The following FYCO1 variants were observed in gnomAD, a reference collection of about 807,000 sequenced individuals.
FYCO1 encodes the protein FYVE and coiled-coil domain autophagy adaptor 1, also known as FYVE and coiled-coil domain-containing protein 1.
FYCO1 carries 122 observed loss-of-function variants against 165.1 expected under a neutral mutation model. The observed-to-expected ratio is 0.74, with a 90% CI of 0.64 to 0.86. The LOEUF (loss-of-function observed/expected upper bound fraction) is 0.86, where lower values mean the gene tolerates loss of function less well. Ranked by LOEUF, FYCO1 falls within the 40% of genes least tolerant of loss-of-function variation. FYCO1 has a pLI of 0.00. For synonymous variants in FYCO1, 648 were observed against 742.5 expected (o/e 0.87, Z 2.07); for missense variants, 1,702 against 1,810.3 (o/e 0.94, Z 1.09).
At chr3:45,928,982 C>T (rs182859848) in intron 16 of FYCO1, among the ~76,000 whole-genome samples, 11 of 152,338 alleles carry the variant, frequency 7.2e-5, no homozygotes, top group African/African-American at 4.8e-5. Flanking sequence ...TCTATACCTC[C>T]GTAATCATGA....
intron 15 of FYCO1, among the ~76,000 whole-genome samples, chr3:45,933,937 GA>G (rs1361139948): frequency 6.6e-6 from 1 of 151,672 alleles, no homozygotes; most frequent in East Asian, 1.9e-4. Flanking sequence ...AGAAACAGAA[GA>G]TATAAAAAAG....
rs191985117 is a variant in FYCO1, at chr3:45,919,409, T to C, written c.*2356A>G. Reference sequence around the variant, plus strand: ...CTAATGAAACCACATAGTTAGGAAGTCACCTCAGGGCACGGGGCAGTCCTC... The same window carrying C: ...CTAATGAAACCACATAGTTAGGAAGCCACCTCAGGGCACGGGGCAGTCCTC... On this transcript the variant is annotated 3_prime_UTR_variant, in exon 18 of 18. Coordinates refer to ENST00000296137, the MANE Select transcript of FYCO1 (RefSeq NM_024513.4). 1.3e-5 allele frequency: 2 copies of C among 152,348 alleles called. No homozygotes were observed. Among genetic ancestry groups the C allele is most frequent in the Admixed American group, 6.5e-5 (1 of 15,302 alleles). 9.4% of individuals were successfully genotyped at this position (152,348 alleles called of 1,614,324 possible). A position where few individuals can be genotyped will look rare whatever the true frequency, so the allele number is the denominator to read the frequency against.
intron 14 of FYCO1, among the ~76,000 whole-genome samples, chr3:45,951,889 C>T (rs1219324712): frequency 6.6e-6 from 1 of 152,216 alleles, no homozygotes; most frequent in African/African-American, 2.4e-5. Context: ...GCAAGGCAAA[C>T]AACTTCCTTA....
intron 13 of FYCO1, among the ~76,000 whole-genome samples, chr3:45,957,500 T>A (rs1199207744): frequency 1.3e-5 from 2 of 152,220 alleles, no homozygotes; most frequent in African/African-American, 4.8e-5. Flanking sequence ...AAAATACTTG[T>A]AAAATACATA....
chr3:45,949,215 C>T (rs538174322), intron 14 of FYCO1, among the ~76,000 whole-genome samples: 1 of 152,322 alleles, frequency 6.6e-6, no homozygotes, highest in Non-Finnish European at 1.5e-5. Context: ...TTACTGTACT[C>T]AGGCCACATG....
intron 14 of FYCO1, chr3:45,948,303 TA>T (rs1366136620): frequency 6.0e-6 from 1 of 166,706 alleles, no homozygotes; most frequent in African/African-American, 2.4e-5. Context: ...CATATATTAC[TA>T]GCATATGAGT....
At chr3:45,990,834 C>T (rs1008272818) in intron 1 of FYCO1, among the ~76,000 whole-genome samples, 1 of 152,152 alleles carries the variant, frequency 6.6e-6, no homozygotes, top group East Asian at 1.9e-4. Context: ...TGCAGTGGCG[C>T]GATCTCAGCT....
chr3:45,995,788 G>C lies in FYCO1; in HGVS notation c.-179C>G, dbSNP rs1707776208. ...GGGCCAAGCGGAAGAGGACGGGAAC[G>C]CGGTGCTGACGGCCATGACGCGCAC... On this transcript the variant is annotated 5_prime_UTR_variant, in exon 1 of 18. Transcript: ENST00000296137. 1 of 152,698 alleles carries C rather than the reference G, an allele frequency of 6.5e-6. No individual in the cohort carries two copies. The highest frequency in any genetic ancestry group is 1.5e-5 in the Non-Finnish European group (1 of 68,104). The allele number at this position is 152,698 out of a possible 1,614,324, so 9.5% of individuals were successfully genotyped here.
rs1707705814 is a variant in FYCO1, at chr3:45,994,550, AAGGG to A, written c.-113+1168_-113+1171del. 1.2e-4 allele frequency among the ~76,000 whole-genome samples: 18 copies of A among 152,284 alleles called. 1 individual carries two copies. In the South Asian group the frequency reaches 3.5e-3, roughly 30 times the overall value. On this transcript the variant is annotated intron_variant, in intron 1 of 17. Transcript: ENST00000296137. The stretch of plus-strand genomic sequence containing the variant: ...GCTTTCAGAACAGTGGTTGTCACAG[AAGGG>A]AGGGTCAAGTGGAGCTCACTCAACA...
Position 45,962,264 on chromosome 3 carries a change from G to T in FYCO1, c.3398C>A (p.Thr1133Asn). ...CAGCCGCTCCTCGAGATACTTCTTG[G>T]TTCTGTTGAGGTCATCCAGGTCAGC... Reference protein sequence around the residue: ...MLADLDDLNRTKKYLEERLIE... With the variant: ...MLADLDDLNRNKKYLEERLIE... Residue 1133 changes from threonine to asparagine, a missense_variant, in exon 11 of 18, where the codon ACC (threonine) becomes AAC (asparagine). Coordinates refer to ENST00000296137, the MANE Select transcript of FYCO1 (RefSeq NM_024513.4). The surrounding 1 kb of genome is among the most constrained non-coding windows in gnomAD (Gnocchi z 4.4). 6.2e-7 allele frequency: 1 copy of T among 1,614,224 alleles called. No homozygotes were observed. Among genetic ancestry groups the T allele is most frequent in the Non-Finnish European group, 8.5e-7 (1 of 1,180,044 alleles).
At chr3:45,934,017 A>G (rs1326984521) in intron 15 of FYCO1, among the ~76,000 whole-genome samples, 2 of 152,198 alleles carry the variant, frequency 1.3e-5, no homozygotes, top group African/African-American at 2.4e-5. Context: ...CTGGACACTC[A>G]ATAGCTGAAT....
intron 2 of FYCO1, among the ~76,000 whole-genome samples, chr3:45,983,528 A>C (rs1330122346): frequency 6.6e-6 from 1 of 152,214 alleles, no homozygotes; most frequent in African/African-American, 2.4e-5. Flanking sequence ...CATAGGATAG[A>C]CAATGGTCTA....
At chr3:45,976,050 A>G (rs987132162) in intron 4 of FYCO1, among the ~76,000 whole-genome samples, 2 of 152,322 alleles carry the variant, frequency 1.3e-5, no homozygotes, top group East Asian at 3.9e-4. Context: ...TTGAATCAGA[A>G]GGAGCCCAGG....
intron 4 of FYCO1, among the ~76,000 whole-genome samples, chr3:45,978,447 T>C (rs57228214): frequency 0.098 from 14,984 of 152,162 alleles, 2,500 homozygotes; most frequent in African/African-American, 0.34. Context: ...TTCCTCATCG[T>C]CTCAGATGTC....
At chr3:45,923,366 A>G (rs1703176413) in intron 17 of FYCO1, among the ~76,000 whole-genome samples, 1 of 152,214 alleles carries the variant, frequency 6.6e-6, no homozygotes, top group African/African-American at 2.4e-5. Flanking sequence ...TGAAGAGTTC[A>G]GACTGGCCAG....
intron 1 of FYCO1, among the ~76,000 whole-genome samples, chr3:45,986,245 A>T (rs1308555833): frequency 6.6e-6 from 1 of 152,182 alleles, no homozygotes; most frequent in Non-Finnish European, 1.5e-5. Flanking sequence ...CATTGTCACT[A>T]CAGCAAATGA....
intron 1 of FYCO1, among the ~76,000 whole-genome samples, chr3:45,990,955 A>C (rs1707532802): frequency 6.6e-6 from 1 of 151,510 alleles, no homozygotes; most frequent in African/African-American, 2.4e-5. Context: ...TTTTAAATGT[A>C]TTTTAGTAGA....
At chr3:45,974,147 G>C (rs1168400175) in intron 5 of FYCO1, among the ~76,000 whole-genome samples, 1 of 152,200 alleles carries the variant, frequency 6.6e-6, no homozygotes, top group African/African-American at 2.4e-5. Flanking sequence ...GGGAGGCCTA[G>C]GCAGGGGGTT....
At chr3:45,937,065 C>T (rs1267889664) in intron 14 of FYCO1, among the ~76,000 whole-genome samples, 1 of 152,138 alleles carries the variant, frequency 6.6e-6, no homozygotes, top group South Asian at 2.1e-4. Context: ...GACACAGAGG[C>T]CCAGGCAGTT....
Sources: gnomAD v4.1 joint callset for allele counts (sites outside exome capture counted in the v4.1 genomes callset) on GRCh38, gnomAD v4.1.1 for gene constraint, Gnocchi (gnomAD v3.1) non-coding constraint, MANE v1.5 for transcripts, NCBI Gene and HGNC (gene_info 2026-07-23, HGNC 2026-07-21) for gene names.